Variants in TCTN2 observed in about 807,000 individuals in gnomAD.
TCTN2 encodes the protein tectonic family member 2.
TCTN2 carries 66 observed loss-of-function variants against 83.4 expected under a neutral mutation model. That is an observed-to-expected ratio of 0.79 (90% CI 0.65 to 0.97). The LOEUF (loss-of-function observed/expected upper bound fraction) is 0.97. Among genes scored for constraint, TCTN2 ranks in the 50% least tolerant of loss-of-function variants. TCTN2 has a pLI of 0.00. For missense variants in TCTN2, 794 were observed against 858.1 expected (o/e 0.93, Z 0.93); for synonymous variants, 301 against 326.7 (o/e 0.92, Z 0.85).
At position 123,673,852 on chromosome 12, in the gene TCTN2, C is replaced by T. The variant is rs372523996; in HGVS notation, c.463+42C>T. The T allele has an allele frequency of 3.8e-6, 6 of 1,591,582 alleles. No homozygotes were observed. The African/African-American group carries it at 6.7e-5, about 18-fold the overall frequency. ...ACTGTCAAAACTTTCATGTTGTTCC[C>T]AGCTACTTAGGAGGAAGAGGTAGGA... On this transcript the variant is annotated intron_variant, in intron 4 of 17. Coordinates refer to ENST00000303372, the MANE Select transcript of TCTN2 (RefSeq NM_024809.5).
Position 123,704,578 on chromosome 12 carries a change from G to A in TCTN2, c.1659G>A (p.Val553=). 1 of 1,613,544 alleles carries A rather than the reference G, an allele frequency of 6.2e-7. No individual in the cohort carries two copies. The highest frequency in any genetic ancestry group is 8.5e-7 in the Non-Finnish European group (1 of 1,179,936). Reference sequence around the variant, plus strand: ...GTGCAGACCCGCTGGCTAGCAGTGTGAACGGCATGTGCCTGGATATTCCTG... The same window carrying A: ...GTGCAGACCCGCTGGCTAGCAGTGTAAACGGCATGTGCCTGGATATTCCTG... ...DPGADPLASS[V]NGMCLDIPAH... The change falls in exon 15 of 18, where the codon GTG becomes GTA. Residue 553 remains valine, a synonymous_variant. Coordinates refer to ENST00000303372, the MANE Select transcript of TCTN2 (RefSeq NM_024809.5).
intron 4 of TCTN2, among the ~76,000 whole-genome samples, chr12:123,678,329 T>G (rs111337716): frequency 9.2e-5 from 14 of 152,240 alleles, no homozygotes; most frequent in Non-Finnish European, 1.3e-4. Context: ...AAACAAAGAA[T>G]GTGGAATAGC....
At chr12:123,684,695 T>C (rs114208992) in intron 5 of TCTN2, among the ~76,000 whole-genome samples, 54,218 of 151,576 alleles carry the variant, frequency 0.36, 10,109 homozygotes, top group African/African-American at 0.41. Context: ...CCCCCACACC[T>C]GGCCAATATT....
At chr12:123,690,391 A>C in intron 7 of TCTN2, 142 bp from the exon 8 acceptor site, 1 of 1,130,940 alleles carries the variant, frequency 8.8e-7, no homozygotes, top group Non-Finnish European at 1.3e-6. Flanking sequence ...AAGCGGGTCA[A>C]CTAGTCGGTG....
At chr12:123,690,334 C>T (rs1956025668) in intron 7 of TCTN2, among the ~76,000 whole-genome samples, 199 bp from the exon 8 acceptor site, 1 of 152,202 alleles carries the variant, frequency 6.6e-6, no homozygotes. Flanking sequence ...ACTCCACAAC[C>T]AGTGGCTTCC....
intron 14 of TCTN2, among the ~76,000 whole-genome samples, chr12:123,700,625 GT>G (rs1172035586): frequency 1.3e-5 from 2 of 152,140 alleles, no homozygotes; most frequent in African/African-American, 2.4e-5. Flanking sequence ...TAGAGACGGG[GT>G]TTCACCATGT....
chr12:123,673,910 A>C, intron 4 of TCTN2, 100 bp downstream of exon 4: 1 of 1,113,854 alleles, frequency 9.0e-7, no homozygotes. Flanking sequence ...TGATGCTATA[A>C]ATGAGCTGCC....
chr12:123,686,646 T>C (rs1010788254), intron 5 of TCTN2, among the ~76,000 whole-genome samples, 190 bp from the exon 6 acceptor site: 1 of 152,186 alleles, frequency 6.6e-6, no homozygotes, highest in Non-Finnish European at 1.5e-5. Context: ...ATTTGGGGAA[T>C]TGACAAAAGA....
chr12:123,695,230 A>C lies in TCTN2; in HGVS notation c.1245A>C (p.Thr415=). The C allele has an allele frequency of 1.3e-6, 2 of 1,570,768 alleles. No homozygotes were observed. Among genetic ancestry groups the C allele is most frequent in the Non-Finnish European group, 1.8e-6 (2 of 1,140,890 alleles). ...TTGTTTTATTTCTAGGGATAATGAC[A>C]CAGAGATTTGTAGTAAAATTTTTAA... The part of the protein sequence containing the change: ...EINAHQKGIM[T]QRFVVKFLSY... Residue 415 remains threonine, a synonymous_variant, in exon 11 of 18, where the codon ACA becomes ACC. Transcript: ENST00000303372.
chr12:123,684,213 A>G (rs547052051), intron 5 of TCTN2, among the ~76,000 whole-genome samples: 66 of 152,006 alleles, frequency 4.3e-4, no homozygotes, highest in Non-Finnish European at 8.7e-4. Flanking sequence ...AGTCAATACC[A>G]TATGCTTTCC....
At chr12:123,705,761 T>C (rs1956221276) in intron 15 of TCTN2, among the ~76,000 whole-genome samples, 1 of 61,284 alleles carries the variant, frequency 1.6e-5, no homozygotes, top group Admixed American at 1.3e-4. Context: ...CTTTCTTTCT[T>C]TTTTTTTTTT....
rs774994149 is a variant in TCTN2, at chr12:123,671,608, G to T, written c.184G>T (p.Glu62Ter). The part of the protein sequence containing the change: ...VTVSLAVLQD[E>*]AGILPIPTCG... ...CGTGTCCCTGGCAGTGCTGCAGGAC[G>T]AGGCGGGTAAAGTCCGGCCCTCTTT... The change falls in exon 2 of 18, where the codon GAG (glutamate) becomes TAG (stop). Residue 62 changes from glutamate (E) to a stop codon, truncating the protein, a stop_gained. Transcript: ENST00000303372. LOFTEE classifies it high-confidence loss of function. 5.0e-6 allele frequency: 8 copies of T among 1,611,988 alleles called. No homozygotes were observed. Among genetic ancestry groups the T allele is most frequent in the Non-Finnish European group, 6.8e-6 (8 of 1,179,828 alleles).
At position 123,707,894 on chromosome 12, in the gene TCTN2, G is replaced by GTATTTTTAGTCTCT; in HGVS notation, c.*181_*182insTATTTTTAGTCTCT. On this transcript the variant is annotated 3_prime_UTR_variant, in exon 18 of 18. Coordinates refer to ENST00000303372, the MANE Select transcript of TCTN2 (RefSeq NM_024809.5). ...CCCGGCTAATTTTGTATTTTTAGTAGAGACAGGGTTCCACCGTATTGGCCA... is the reference window on the plus strand; with the variant it reads ...CCCGGCTAATTTTGTATTTTTAGTAGTATTTTTAGTCTCTAGACAGGGTTCCACCGTATTGGCCA... 1.6e-6 allele frequency: 1 copy of GTATTTTTAGTCTCT among 609,250 alleles called. No individual in the cohort carries two copies. Among genetic ancestry groups the GTATTTTTAGTCTCT allele is most frequent in the African/African-American group, 1.8e-5 (1 of 54,064 alleles). The allele number at this position is 609,250 out of a possible 1,614,324, so 37.7% of individuals were successfully genotyped here. A position where few individuals can be genotyped will look rare whatever the true frequency, so the allele number is the denominator to read the frequency against.
Position 123,707,892 on chromosome 12 carries a change from T to TCTAC in TCTN2, c.*179_*180insCTAC, listed in dbSNP as rs1956250634. The TCTAC allele has an allele frequency of 1.6e-6, 1 of 625,456 alleles. No homozygotes were observed. Among genetic ancestry groups the TCTAC allele is most frequent in the African/African-American group, 1.8e-5 (1 of 54,594 alleles). 38.7% of individuals were successfully genotyped at this position (625,456 alleles called of 1,614,324 possible). On this transcript the variant is annotated 3_prime_UTR_variant, in exon 18 of 18. Transcript: ENST00000303372. ...CGCCCGGCTAATTTTGTATTTTTAG[T>TCTAC]AGAGACAGGGTTCCACCGTATTGGC... is the stretch of plus-strand genomic sequence containing the variant.
At position 123,674,569 on chromosome 12, in the gene TCTN2, G is replaced by A. The variant is rs577133479; in HGVS notation, c.463+759G>A. Among the ~76,000 whole-genome samples the A allele has an allele frequency of 1.2e-4, 19 of 152,246 alleles. No homozygotes were observed. In the South Asian group the frequency reaches 3.3e-3, roughly 27 times the overall value. On this transcript the variant is annotated intron_variant, in intron 4 of 17. Transcript: ENST00000303372. Reference sequence around the variant, plus strand: ...AGGCGTGAGCCACTGTGCTCGGCACGTGCATTGATTGTCATGACTGCATCT... The same window carrying A: ...AGGCGTGAGCCACTGTGCTCGGCACATGCATTGATTGTCATGACTGCATCT...
Position 123,680,406 on chromosome 12 carries a change from G to A in TCTN2, c.564+1117G>A, listed in dbSNP as rs146725051. ...TGAGTAAATTTTTTTTTTTTGAGAC[G>A]GCCTCCTAAAGTGCTGGAATTACAG... is the stretch of plus-strand genomic sequence containing the variant. On this transcript the variant is annotated intron_variant, in intron 5 of 17. Transcript: ENST00000303372. Among the ~76,000 whole-genome samples, 935 of 149,714 alleles carry A rather than the reference G, an allele frequency of 6.2e-3. 9 individuals are homozygous for A. The highest frequency in any genetic ancestry group is 0.021 in the African/African-American group (864 of 40,770).
At position 123,696,090 on chromosome 12, in the gene TCTN2, C is replaced by A. The variant is rs981807690; in HGVS notation, c.1313-325C>A. The A allele has an allele frequency of 1.5e-5, 5 of 341,028 alleles. No homozygotes were observed. In the East Asian group the frequency reaches 3.0e-4, roughly 20 times the overall value. The allele number at this position is 341,028 out of a possible 1,614,324, so 21.1% of individuals were successfully genotyped here. On this transcript the variant is annotated intron_variant, in intron 11 of 17. Coordinates refer to ENST00000303372, the MANE Select transcript of TCTN2 (RefSeq NM_024809.5). ...AACTCCTGACCTCAGGTGATCCACC[C>A]ACCTCGGCCTCCCAAAGTGCTAGGA...
chr12:123,699,708 A>G lies in TCTN2; in HGVS notation c.1510A>G (p.Asn504Asp). 6.2e-7 allele frequency: 1 copy of G among 1,613,290 alleles called. No individual in the cohort carries two copies. Among genetic ancestry groups the G allele is most frequent in the East Asian group, 2.2e-5 (1 of 44,872 alleles). The change falls in exon 14 of 18, where the codon AAT becomes GAT. Residue 504 changes from asparagine to aspartate, a missense_variant. Physicochemically the swap from Asn to Asp is conservative, Grantham distance 23. Coordinates refer to ENST00000303372, the MANE Select transcript of TCTN2 (RefSeq NM_024809.5). ...INENCTQLRE[N>D]AVERLDSLIQ... is the part of the protein sequence containing the mutation. ...AAATGTCTTACTCTCTTGCAGGGAG[A>G]ATGCTGTTGAAAGACTTGATTCATT...
intron 14 of TCTN2, 120 bp downstream of exon 14, chr12:123,699,930 T>C (rs905415541): frequency 5.0e-6 from 4 of 804,522 alleles, no homozygotes; most frequent in Non-Finnish European, 8.8e-6. Context: ...GCGGCTTAAC[T>C]GGACGTTTGC....
Sources: gnomAD v4.1 joint callset for allele counts (sites outside exome capture counted in the v4.1 genomes callset) on GRCh38, gnomAD v4.1.1 for gene constraint, MANE v1.5 for transcripts, NCBI Gene and HGNC (gene_info 2026-07-23, HGNC 2026-07-21) for gene names.